Variants in DMKN observed in about 807,000 individuals in gnomAD.
The protein encoded by DMKN is epidermis-specific secreted protein SK30/SK89.
A neutral mutation model predicts 67.6 loss-of-function variants in DMKN; 58 were observed. That is an observed-to-expected ratio of 0.86 (90% confidence interval 0.69 to 1.07). The LOEUF is 1.07. DMKN is among the 50% of genes least tolerant of loss of function. DMKN has a pLI of 0.00. For synonymous variants in DMKN, 240 were observed against 232.3 expected (o/e 1.03, Z -0.30); for missense variants, 596 against 601.5 (o/e 0.99, Z 0.10).
intron 12 of DMKN, chr19:35,500,236 G>T: frequency 7.8e-7 from 1 of 1,288,440 alleles, no homozygotes. Flanking sequence ...TAGCCCAAAT[G>T]GCCGCCGCCT....
chr19:35,501,943 G>T (rs1235918241), intron 11 of DMKN, 193 bp downstream of exon 11: 46 of 1,556,320 alleles, frequency 3.0e-5, no homozygotes, highest in Middle Eastern at 1.7e-4. Flanking sequence ...CGGCTTTTAT[G>T]CTAGGGAGGT....
intron 15 of DMKN, chr19:35,498,031 A>G (rs1313511700): frequency 6.6e-6 from 1 of 152,256 alleles, no homozygotes; most frequent in East Asian, 1.9e-4. Flanking sequence ...ATCATAGCTC[A>G]CTGCAGTTTT....
At chr19:35,511,993 C>CTTTTT (rs11285451) in intron 3 of DMKN, among the ~76,000 whole-genome samples, 180 bp from the exon 4 acceptor site, 1 of 113,064 alleles carries the variant, frequency 8.8e-6, no homozygotes, top group Non-Finnish European at 1.7e-5. Context: ...TCTCTTCCTC[C>CTTTTT]TTTTTTTTTT....
At position 35,500,539 on chromosome 19, in the gene DMKN, G is replaced by T; in HGVS notation, c.1281C>A (p.Asp427Glu). The change falls in exon 12 of 16, where the codon GAC becomes GAA. Residue 427 changes from aspartate (D) to glutamate (E), a missense_variant. Transcript: ENST00000339686. ...ASSLQKRAGR[D>E]DQNYNYNQHA... ...CTTGAGGACAGAGACTCACCTGATC[G>T]TCTCTGCCTGCACGTTTCTGCAGTG... 6.2e-7 allele frequency: 1 copy of T among 1,611,964 alleles called. No individual in the cohort carries two copies. The highest frequency in any genetic ancestry group is 8.5e-7 in the Non-Finnish European group (1 of 1,179,126).
intron 6 of DMKN, 40 bp downstream of exon 6, chr19:35,510,144 C>G: frequency 6.3e-7 from 1 of 1,582,188 alleles, no homozygotes; most frequent in Non-Finnish European, 8.6e-7. Flanking sequence ...CTCTCCTTTT[C>G]CTTCCCGCGG....
intron 11 of DMKN, chr19:35,501,711 C>A: frequency 8.6e-7 from 1 of 1,159,284 alleles, no homozygotes. Context: ...GGGACCTGAC[C>A]CCTGCACACC....
intron 6 of DMKN, 21 bp downstream of exon 6, chr19:35,510,163 A>G: frequency 1.2e-6 from 2 of 1,600,546 alleles, no homozygotes; most frequent in African/African-American, 1.3e-5. Flanking sequence ...GGTTGGTGGG[A>G]GATTCACGCC....
chr19:35,504,532 C>T (rs917065167), intron 9 of DMKN, among the ~76,000 whole-genome samples: 6 of 144,886 alleles, frequency 4.1e-5, no homozygotes, highest in Non-Finnish European at 5.9e-5. Context: ...GAGCTGAGAT[C>T]GAACCACTAC....
chr19:35,502,999 G>A, intron 9 of DMKN, 113 bp from the exon 10 acceptor site: 1 of 1,240,854 alleles, frequency 8.1e-7, no homozygotes, highest in South Asian at 1.5e-5. Flanking sequence ...ACTAAGGTTG[G>A]GGATGGGAGG....
At chr19:35,501,265 C>T (rs1007651302) in intron 11 of DMKN, among the ~76,000 whole-genome samples, 165 of 152,200 alleles carry the variant, frequency 1.1e-3, no homozygotes, top group Non-Finnish European at 1.6e-3. Flanking sequence ...TTAATTCTGC[C>T]TTATCCATAC....
chr19:35,512,356 T>C, intron 3 of DMKN, 65 bp downstream of exon 3: 1 of 1,576,122 alleles, frequency 6.3e-7, no homozygotes, highest in Non-Finnish European at 8.6e-7. Context: ...CTCTTTGTCT[T>C]TCCCCAGCTC....
At chr19:35,510,626 A>C (rs1233044290) in intron 5 of DMKN, 2 of 1,400,898 alleles carry the variant, frequency 1.4e-6, no homozygotes, top group Non-Finnish European at 9.4e-7. Flanking sequence ...CTTGGTCACC[A>C]TTCCCAGAAC....
At chr19:35,506,783 G>T (rs182688565) in intron 7 of DMKN, 4 of 274,232 alleles carry the variant, frequency 1.5e-5, no homozygotes, top group South Asian at 1.3e-4. Context: ...AGAGGCCGAG[G>T]TGGGTGGATC....
Position 35,507,853 on chromosome 19 carries a change from G to A in DMKN, c.1039-1867C>T, listed in dbSNP as rs2069886773. 5 of 441,724 alleles carry A rather than the reference G, an allele frequency of 1.1e-5. No individual in the cohort carries two copies. The South Asian group carries it at 1.6e-4, about 14-fold the overall frequency. 27.4% of individuals were successfully genotyped at this position (441,724 alleles called of 1,614,324 possible). On this transcript the variant is annotated intron_variant, in intron 7 of 15. Transcript: ENST00000339686. ...ATCCGAATTCTCCCCTGGCTTTGGAGCTGGAGTGGGCCAGGCTGTTACACT... is the reference window on the plus strand; with the variant it reads ...ATCCGAATTCTCCCCTGGCTTTGGAACTGGAGTGGGCCAGGCTGTTACACT...
Position 35,505,724 on chromosome 19 carries a change from T to C in DMKN, c.1128A>G (p.Ile376Met), listed in dbSNP as rs1428018984. ...GAAGATGTCCAGCCCTTACCTTGTT[T>C]ATGGCATCCCAGTTGATGAAACCCA... ...SKLGFINWDA[I>M]NKNQVPPPST... The change falls in exon 9 of 16, where the codon ATA (isoleucine) becomes ATG (methionine). Residue 376 changes from isoleucine (I) to methionine (M), a missense_variant. Ile to Met is a conservative substitution (Grantham distance 10). Coordinates refer to ENST00000339686, the MANE Select transcript of DMKN (RefSeq NM_033317.5). The C allele has an allele frequency of 6.2e-7, 1 of 1,614,106 alleles. No homozygotes were observed. Among genetic ancestry groups the C allele is most frequent in the Non-Finnish European group, 8.5e-7 (1 of 1,180,046 alleles).
Position 35,513,299 on chromosome 19 carries a change from G to A in DMKN, c.177C>T (p.Ala59=), listed in dbSNP as rs572155333. The part of the protein sequence containing the change: ...EGVGKAIGKE[A]GGAAGSKVSE... ...TGACTTTAGAGCCAGCTGCCCCTCC[G>A]GCCTCTTTGCCAATGGCCTTTCCCA... Residue 59 remains alanine, a synonymous_variant, in exon 1 of 16, where the codon GCC becomes GCT. Transcript: ENST00000339686. 3.2e-5 allele frequency: 52 copies of A among 1,613,846 alleles called. No homozygotes were observed. The East Asian group carries it at 8.2e-4, about 26-fold the overall frequency.
At chr19:35,500,158 A>C in intron 12 of DMKN, 129 bp from the exon 13 acceptor site, 1 of 1,227,312 alleles carries the variant, frequency 8.1e-7, no homozygotes, top group Non-Finnish European at 1.2e-6. Context: ...TCCTTGTGTC[A>C]CGTGTTTTCT....
chr19:35,511,147 A>AT (rs1174267760), intron 5 of DMKN, among the ~76,000 whole-genome samples: 1 of 152,142 alleles, frequency 6.6e-6, no homozygotes, highest in African/African-American at 2.4e-5. Context: ...GACAGGCGGG[A>AT]TAACGTCCCC....
At chr19:35,510,102 T>G in intron 6 of DMKN, 82 bp downstream of exon 6, 1 of 1,563,578 alleles carries the variant, frequency 6.4e-7, no homozygotes, top group African/African-American at 1.4e-5. Flanking sequence ...CGCGGAGCCT[T>G]GGCTCCCCGA....
Sources: allele counts gnomAD v4.1 joint callset (sites outside exome capture counted in the v4.1 genomes callset), GRCh38; gene constraint gnomAD v4.1.1; transcripts MANE v1.5; gene names NCBI Gene and HGNC (gene_info 2026-07-23, HGNC 2026-07-21).